Variants in CGGBP1 observed in about 807,000 individuals in gnomAD.
The protein encoded by CGGBP1 is CGG triplet repeat binding protein 1, also known as CGG triplet repeat-binding protein 1.
CGGBP1 carries 4 observed loss-of-function variants against 11.4 expected under a neutral mutation model. That is an observed-to-expected ratio of 0.35 (90% CI 0.17 to 0.80). CGGBP1 has a LOEUF of 0.80. CGGBP1 is among the 30% of genes least tolerant of loss of function. CGGBP1 has a pLI of 0.52. For missense variants in CGGBP1, 135 were observed against 202.1 expected (o/e 0.67, Z 2.01); for synonymous variants, 76 against 74.1 (o/e 1.03, Z -0.13).
chr3:88,087,706 A>G (rs565910855), intron 2 of CGGBP1, among the ~76,000 whole-genome samples: 6 of 152,336 alleles, frequency 3.9e-5, no homozygotes, highest in Non-Finnish European at 7.3e-5. Flanking sequence ...TGCAATAGAA[A>G]ATATCAGAGT....
intron 2 of CGGBP1, chr3:88,139,172 T>C: frequency 7.2e-7 from 1 of 1,386,008 alleles, no homozygotes; most frequent in Non-Finnish European, 9.3e-7. Flanking sequence ...GGTTTGACTC[T>C]CTTACAGATC....
At chr3:88,146,034 T>A (rs1707307096) in intron 1 of CGGBP1, among the ~76,000 whole-genome samples, 1 of 152,190 alleles carries the variant, frequency 6.6e-6, no homozygotes, top group Non-Finnish European at 1.5e-5. Context: ...TGCCTGAGGA[T>A]CAGTGATTTC....
At chr3:88,113,232 A>G (rs975838831) in intron 2 of CGGBP1, 61 of 1,340,312 alleles carry the variant, frequency 4.6e-5, no homozygotes, top group Non-Finnish European at 5.8e-5. Context: ...CTTTGTCTAC[A>G]CTTAAAATAG....
intron 2 of CGGBP1, among the ~76,000 whole-genome samples, chr3:88,128,315 AAT>A (rs1322712150): frequency 6.6e-6 from 1 of 152,118 alleles, no homozygotes; most frequent in Non-Finnish European, 1.5e-5. Flanking sequence ...CTTTAAATAA[AAT>A]ATATTTTTCT....
chr3:88,055,532 C>A lies in CGGBP1; in HGVS notation c.445G>T (p.Ala149Ser). 6.4e-7 allele frequency: 1 copy of A among 1,563,976 alleles called. No individual in the cohort carries two copies. ...TTCTCATATCCATCAGGAAGATATG[C>A]CCTCCGTAGCTGGTCTGACTTAGGT... Reference protein sequence around the residue: ...SIPKSDQLRRAYLPDGYENEN... With the variant: ...SIPKSDQLRRSYLPDGYENEN... Residue 149 changes from alanine to serine, a missense_variant, in exon 4 of 4, where the codon GCA (alanine) becomes TCA (serine). Coordinates refer to ENST00000482016, the MANE Select transcript of CGGBP1 (RefSeq NM_001008390.2). This position sits in a 1 kb window ranked among gnomAD's most constrained non-coding sequence, Gnocchi z 4.2.
chr3:88,146,952 C>T (rs1707323869), intron 1 of CGGBP1, among the ~76,000 whole-genome samples: 1 of 152,180 alleles, frequency 6.6e-6, no homozygotes, highest in Non-Finnish European at 1.5e-5. Context: ...TTTTAATAGT[C>T]TCCTAACTGG....
intron 2 of CGGBP1, chr3:88,095,768 C>CT (rs1170593216): frequency 4.9e-6 from 2 of 405,862 alleles, no homozygotes; most frequent in African/African-American, 2.2e-5. Context: ...TCATCTTAAA[C>CT]TTTTTTGTAA....
chr3:88,096,912 C>T (rs1461010321), intron 2 of CGGBP1, among the ~76,000 whole-genome samples: 2 of 152,166 alleles, frequency 1.3e-5, no homozygotes, highest in East Asian at 1.9e-4. Context: ...CTCATATTAT[C>T]ATTTTAGACA....
At chr3:88,140,319 A>C (rs57459670) in intron 2 of CGGBP1, 4 of 1,613,754 alleles carry the variant, frequency 2.5e-6, no homozygotes, top group Non-Finnish European at 3.4e-6. Context: ...AAGTGAAACA[A>C]TTCTTTGGGA....
At chr3:88,086,070 G>T (rs1315741006) in intron 2 of CGGBP1, among the ~76,000 whole-genome samples, 6 of 152,124 alleles carry the variant, frequency 3.9e-5, no homozygotes, top group African/African-American at 1.4e-4. Context: ...TCTTTTCAAA[G>T]ATAATAATTG....
intron 2 of CGGBP1, among the ~76,000 whole-genome samples, chr3:88,132,279 T>C (rs1706511101): frequency 6.6e-6 from 1 of 152,170 alleles, no homozygotes; most frequent in Admixed American, 6.6e-5. Flanking sequence ...GACGTCATTA[T>C]ATAGGCTTTT....
chr3:88,127,259 T>C (rs1274086476), intron 2 of CGGBP1, among the ~76,000 whole-genome samples: 3 of 152,170 alleles, frequency 2.0e-5, no homozygotes, highest in African/African-American at 7.2e-5. Context: ...GCAGGTTATT[T>C]CTGTTAGTCA....
At chr3:88,059,656 C>G (rs1164192764), upstream of CGGBP1, among the ~76,000 whole-genome samples, 1 of 151,178 alleles carries the variant, frequency 6.6e-6, no homozygotes, top group Non-Finnish European at 1.5e-5. Flanking sequence ...TCCACTTATC[C>G]GGCTTGGGGT....
chr3:88,075,459 A>C (rs553656276), intron 2 of CGGBP1, among the ~76,000 whole-genome samples: 110 of 152,348 alleles, frequency 7.2e-4, no homozygotes, highest in African/African-American at 2.4e-3. Context: ...TTTGGATAAT[A>C]ACCATGGAAC....
Position 88,088,752 on chromosome 3 carries a change from GTAT to G in CGGBP1, c.-228-30532_-228-30530del, listed in dbSNP as rs761542874. Among the ~76,000 whole-genome samples, 193 of 127,134 alleles carry G rather than the reference GTAT, an allele frequency of 1.5e-3. 1 individual carries two copies. The highest frequency in any genetic ancestry group is 4.1e-3 in the Middle Eastern group (1 of 246). 83.4% of individuals were successfully genotyped at this position (127,134 alleles called of 152,430 possible). A position where few individuals can be genotyped will look rare whatever the true frequency, so the allele number is the denominator to read the frequency against. ...TAAAAAAAAACCTTTATTTATGTAT[GTAT>G]GTATGTATGGATGGATGGATGGATG... is the stretch of plus-strand genomic sequence containing the variant. On this transcript the variant is annotated intron_variant, in intron 2 of 3. Transcript: ENST00000462901.
At chr3:88,078,122 T>C (rs1362217235) in intron 2 of CGGBP1, among the ~76,000 whole-genome samples, 2 of 152,222 alleles carry the variant, frequency 1.3e-5, no homozygotes, top group Non-Finnish European at 2.9e-5. Context: ...CGGACTGATT[T>C]CTTTGTTAAA....
chr3:88,142,957 T>C (rs1351528045), intron 1 of CGGBP1: 1 of 152,292 alleles, frequency 6.6e-6, no homozygotes, highest in Non-Finnish European at 1.5e-5. Context: ...GAAAGGAAGA[T>C]GCTTAAAGAC....
chr3:88,097,405 C>T (rs572791721), intron 2 of CGGBP1, among the ~76,000 whole-genome samples: 9 of 151,538 alleles, frequency 5.9e-5, no homozygotes, highest in Admixed American at 2.0e-4. Context: ...CACCCACTGT[C>T]AATATTAGAC....
chr3:88,058,080 C>A lies in CGGBP1; in HGVS notation c.-187G>T, dbSNP rs949983661. 6.6e-6 allele frequency: 1 copy of A among 152,164 alleles called. No homozygotes were observed. Among genetic ancestry groups the A allele is most frequent in the African/African-American group, 2.4e-5 (1 of 41,424 alleles). The allele number at this position is 152,164 out of a possible 1,614,324, so 9.4% of individuals were successfully genotyped here. A position where few individuals can be genotyped will look rare whatever the true frequency, so the allele number is the denominator to read the frequency against. Reference sequence around the variant, plus strand: ...GCAGGGAATGGTCTCCAGAGCGAAACCAGAGACGCATCAAATCCTGGCACT... The same window carrying A: ...GCAGGGAATGGTCTCCAGAGCGAAAACAGAGACGCATCAAATCCTGGCACT... On this transcript the variant is annotated 5_prime_UTR_variant, in exon 2 of 4. Transcript: ENST00000482016.
Sources: gnomAD v4.1 joint callset for allele counts (sites outside exome capture counted in the v4.1 genomes callset) on GRCh38, gnomAD v4.1.1 for gene constraint, Gnocchi (gnomAD v3.1) non-coding constraint, MANE v1.5 for transcripts, NCBI Gene and HGNC (gene_info 2026-07-23, HGNC 2026-07-21) for gene names.